Variants in THRB observed in about 807,000 individuals in gnomAD.
THRB encodes nuclear receptor subfamily 1 group A member 2.
A neutral mutation model predicts 47.8 loss-of-function variants in THRB; 12 were observed. That is an observed-to-expected ratio of 0.25 (90% CI 0.16 to 0.41). The LOEUF (loss-of-function observed/expected upper bound fraction) is 0.41, where lower values mean the gene tolerates loss of function less well. THRB is among the 10% of genes least tolerant of loss of function. The pLI, the probability that THRB is intolerant of heterozygous loss-of-function variation, is 1.00. For synonymous variants in THRB, 218 were observed against 212.2 expected (o/e 1.03, Z -0.24); for missense variants, 348 against 589.2 (o/e 0.59, Z 4.24).
At chr3:24,464,996 G>C (rs561727253) in intron 1 of THRB, among the ~76,000 whole-genome samples, 18 of 151,956 alleles carry the variant, frequency 1.2e-4, no homozygotes, top group South Asian at 1.0e-3. Flanking sequence ...TACTTATTTA[G>C]ATTTCCCATT....
At chr3:24,197,253 ACTAC>A (rs1434584133) in intron 4 of THRB, among the ~76,000 whole-genome samples, 2 of 152,230 alleles carry the variant, frequency 1.3e-5, no homozygotes, top group African/African-American at 4.8e-5. Flanking sequence ...TTCAATATGG[ACTAC>A]CAATAGGATT....
rs1383196583 is a variant in THRB at position 24,143,696 on chromosome 3, A to G, written c.543T>C (p.Asp181=). 6.2e-7 allele frequency: 1 copy of G among 1,614,046 alleles called. No individual in the cohort carries two copies. The highest frequency in any genetic ancestry group is 8.5e-7 in the Non-Finnish European group (1 of 1,180,006). Residue 181 remains aspartate, a synonymous_variant, in exon 8 of 11, where the codon GAT becomes GAC. Transcript: ENST00000646209. ...YVGMATDLVL[D]DSKRLAKRKL... is the part of the protein sequence containing the mutation. ...TCCTCTTGGCCAGCCTCTTGCTGTC[A>G]TCCAGCACCACTGGGAGGGGGAGAA...
intron 1 of THRB, among the ~76,000 whole-genome samples, chr3:24,341,498 T>G (rs533839736): frequency 6.6e-6 from 1 of 152,122 alleles, no homozygotes; most frequent in South Asian, 2.1e-4. Flanking sequence ...CCTCCCAGAG[T>G]GCTGGGATTA....
chr3:24,210,160 G>T (rs1390402906), intron 4 of THRB, among the ~76,000 whole-genome samples: 1 of 152,160 alleles, frequency 6.6e-6, no homozygotes, highest in Non-Finnish European at 1.5e-5. Flanking sequence ...ACACCAAGGA[G>T]AATTGGCAAT....
chr3:24,482,330 C>T (rs1696562585), intron 1 of THRB, among the ~76,000 whole-genome samples: 2 of 152,164 alleles, frequency 1.3e-5, no homozygotes, highest in Admixed American at 6.5e-5. Context: ...TAAATACCAA[C>T]ATTCTTTCCC....
chr3:24,358,418 G>T (rs1343481596), intron 1 of THRB, among the ~76,000 whole-genome samples: 1 of 151,910 alleles, frequency 6.6e-6, no homozygotes, highest in African/African-American at 2.4e-5. Context: ...TTTTTATGTT[G>T]GAGTCTTTGA....
chr3:24,130,790 T>C (rs943407327), intron 9 of THRB, among the ~76,000 whole-genome samples: 5 of 152,118 alleles, frequency 3.3e-5, no homozygotes, highest in African/African-American at 1.2e-4. Context: ...CCTTCAGACA[T>C]AGTCAGTGAT....
At chr3:24,250,870 C>CAGAT (rs1255231220) in intron 3 of THRB, among the ~76,000 whole-genome samples, 1 of 152,012 alleles carries the variant, frequency 6.6e-6, no homozygotes, top group East Asian at 1.9e-4. Context: ...AATCTAGGAT[C>CAGAT]AGATACCCAT....
chr3:24,335,076 C>T (rs146589832), intron 2 of THRB, among the ~76,000 whole-genome samples: 1 of 152,154 alleles, frequency 6.6e-6, no homozygotes, highest in East Asian at 1.9e-4. Flanking sequence ...CTCTCCCCAC[C>T]AGCACTCCTC....
intron 1 of THRB, among the ~76,000 whole-genome samples, chr3:24,402,144 T>A (rs1457613482): frequency 6.6e-6 from 1 of 152,086 alleles, no homozygotes; most frequent in Non-Finnish European, 1.5e-5. Flanking sequence ...CAGAGGCTCC[T>A]GCCCTCAGCT....
chr3:24,274,085 G>A (rs764315364), intron 3 of THRB, among the ~76,000 whole-genome samples: 16 of 152,088 alleles, frequency 1.1e-4, no homozygotes, highest in Non-Finnish European at 1.9e-4. Flanking sequence ...TGTGAAATGT[G>A]AAACTCAGGC....
chr3:24,280,780 C>T (rs1236054117), intron 3 of THRB, among the ~76,000 whole-genome samples: 19 of 151,688 alleles, frequency 1.3e-4, no homozygotes, highest in South Asian at 4.2e-4. Context: ...TCGAGAACTA[C>T]GTGAAGAATG....
chr3:24,365,062 T>C (rs1256465017), intron 1 of THRB, among the ~76,000 whole-genome samples: 2 of 152,172 alleles, frequency 1.3e-5, no homozygotes, highest in Non-Finnish European at 2.9e-5. Context: ...ATATTACAGG[T>C]AAACTGCTTA....
rs936310392 is a variant in THRB at position 24,117,741 on chromosome 3, C to G, written c.*5143G>C. 59 of 152,060 alleles carry G rather than the reference C, an allele frequency of 3.9e-4. No individual in the cohort carries two copies. The highest frequency in any genetic ancestry group is 1.4e-3 in the African/African-American group (58 of 41,406). The allele number at this position is 152,060 out of a possible 1,614,324, so 9.4% of individuals were successfully genotyped here. Reference sequence around the variant, plus strand: ...TGCCTGAAGCTTTGGTATGCAATACCCTAGATCCCAGATATTAAAGTCAAT... The same window carrying G: ...TGCCTGAAGCTTTGGTATGCAATACGCTAGATCCCAGATATTAAAGTCAAT... On this transcript the variant is annotated 3_prime_UTR_variant, in exon 11 of 11. Transcript: ENST00000646209.
intron 1 of THRB, among the ~76,000 whole-genome samples, chr3:24,446,136 A>G (rs2072049256): frequency 6.6e-6 from 1 of 152,222 alleles, no homozygotes; most frequent in Non-Finnish European, 1.5e-5. Flanking sequence ...AATAAAAACA[A>G]TACTGTCATG....
intron 4 of THRB, among the ~76,000 whole-genome samples, chr3:24,205,306 C>A (rs111267011): frequency 5.3e-5 from 8 of 152,088 alleles, no homozygotes; most frequent in African/African-American, 1.9e-4. Context: ...GCAGATCTCT[C>A]GGCAGAAACT....
At chr3:24,417,247 T>C (rs1004267007) in intron 1 of THRB, among the ~76,000 whole-genome samples, 2 of 151,896 alleles carry the variant, frequency 1.3e-5, no homozygotes, top group Admixed American at 6.6e-5. Context: ...TAATTGTGTA[T>C]TTATGCAAGT....
chr3:24,298,125 A>G (rs2056601278), intron 2 of THRB, among the ~76,000 whole-genome samples: 1 of 152,260 alleles, frequency 6.6e-6, no homozygotes, highest in Non-Finnish European at 1.5e-5. Context: ...AAATGAAAAT[A>G]GGTCCGTTAA....
intron 1 of THRB, among the ~76,000 whole-genome samples, chr3:24,447,715 C>T (rs2072238112): frequency 1.3e-5 from 2 of 151,890 alleles, no homozygotes; most frequent in Admixed American, 1.3e-4. Flanking sequence ...GATAATAAAT[C>T]CCCAATGAAA....
Sources: gnomAD v4.1 joint callset for allele counts (sites outside exome capture counted in the v4.1 genomes callset) on GRCh38, gnomAD v4.1.1 for gene constraint, MANE v1.5 for transcripts, NCBI Gene and HGNC (gene_info 2026-07-23, HGNC 2026-07-21) for gene names.